Variants in DPY19L1 observed in about 807,000 individuals in gnomAD.
DPY19L1 encodes dpy-19 like C-mannosyltransferase 1.
A neutral mutation model predicts 96.9 loss-of-function variants in DPY19L1; 35 were observed. That is an observed-to-expected ratio of 0.36 (90% CI 0.28 to 0.48). The LOEUF (loss-of-function observed/expected upper bound fraction) is 0.48, where lower values mean the gene tolerates loss of function less well. Ranked by LOEUF, DPY19L1 falls within the 20% of genes least tolerant of loss-of-function variation. The pLI is 0.99. For missense variants in DPY19L1, 521 were observed against 777.9 expected, an observed-to-expected ratio of 0.67 and a Z score of 3.93; for synonymous variants, 205 against 252.6, an observed-to-expected ratio of 0.81 and a Z score of 1.79.
At chr7:35,025,710 T>A (rs1001743142) in intron 1 of DPY19L1, among the ~76,000 whole-genome samples, 5 of 152,214 alleles carry the variant, frequency 3.3e-5, no homozygotes, top group African/African-American at 1.2e-4. Context: ...ATATACACAG[T>A]ACATCAGGCT....
intron 11 of DPY19L1, among the ~76,000 whole-genome samples, chr7:34,957,428 G>A (rs1420305053): frequency 6.6e-6 from 1 of 152,166 alleles, no homozygotes; most frequent in African/African-American, 2.4e-5. Flanking sequence ...CCTGCCATAT[G>A]TAGCAGAAAG....
intron 7 of DPY19L1, among the ~76,000 whole-genome samples, chr7:34,980,580 CAA>C (rs374039175): frequency 6.6e-6 from 1 of 152,138 alleles, no homozygotes; most frequent in Non-Finnish European, 1.5e-5. Flanking sequence ...ACAGAATTGA[CAA>C]AGAGTTCCCA....
intron 16 of DPY19L1, among the ~76,000 whole-genome samples, chr7:34,943,895 C>T (rs1784080275): frequency 6.6e-6 from 1 of 152,074 alleles, no homozygotes; most frequent in Non-Finnish European, 1.5e-5. Flanking sequence ...TTTCTTTCCC[C>T]CTTAGCCCTC....
In DPY19L1 at chr7:34,931,525, A is replaced by G. The variant is rs1783751775; in HGVS notation, c.*48T>C. On this transcript the variant is annotated 3_prime_UTR_variant, in exon 22 of 22. Coordinates refer to ENST00000638088, the MANE Select transcript of DPY19L1 (RefSeq NM_001366673.1). ...ACAACACATGACTTAGCAAAACATT[A>G]AAACCATTACAGATGTAGTTCTCCG... 5.5e-6 allele frequency: 8 copies of G among 1,464,356 alleles called. No homozygotes were observed. The highest frequency in any genetic ancestry group is 7.2e-6 in the Non-Finnish European group (8 of 1,107,152). The allele number at this position is 1,464,356 out of a possible 1,614,324, so 90.7% of individuals were successfully genotyped here. A position where few individuals can be genotyped will look rare whatever the true frequency, so the allele number is the denominator to read the frequency against.
In DPY19L1 at chr7:34,955,467, A is replaced by G. The variant is rs138462148; in HGVS notation, c.1180-100T>C. 6 of 1,453,296 alleles carry G rather than the reference A, an allele frequency of 4.1e-6. No individual in the cohort carries two copies. In the African/African-American group the frequency reaches 8.6e-5, roughly 21 times the overall value. The allele number at this position is 1,453,296 out of a possible 1,614,324, so 90.0% of individuals were successfully genotyped here. ...TAAATAATAAGATTCTCAAGTATCTAAAATTTAGCACATGGTTGACTTTCC... is the reference window on the plus strand; with the variant it reads ...TAAATAATAAGATTCTCAAGTATCTGAAATTTAGCACATGGTTGACTTTCC... On this transcript the variant is annotated intron_variant, in intron 11 of 21. Coordinates refer to ENST00000638088, the MANE Select transcript of DPY19L1 (RefSeq NM_001366673.1).
chr7:34,941,722 G>C (rs1784020018), intron 18 of DPY19L1, 43 bp downstream of exon 18: 1 of 1,589,462 alleles, frequency 6.3e-7, no homozygotes, highest in Non-Finnish European at 8.5e-7. Flanking sequence ...AATAATAAAG[G>C]CTAAAATTAT....
chr7:35,013,712 T>G lies in DPY19L1; in HGVS notation c.412-7A>C. 2 of 1,583,228 alleles carry G rather than the reference T, an allele frequency of 1.3e-6. No homozygotes were observed. The highest frequency in any genetic ancestry group is 1.7e-6 in the Non-Finnish European group (2 of 1,162,146). On this transcript the variant is annotated splice_region_variant and splice_polypyrimidine_tract_variant and intron_variant, in intron 3 of 21. Transcript: ENST00000638088. ...AATAGGAATAATATAGTCCCTGAAA[T>G]AAAGATATGCTCAATTAAAATAACA...
chr7:35,033,775 T>C (rs1366333727), intron 1 of DPY19L1, among the ~76,000 whole-genome samples: 2 of 152,108 alleles, frequency 1.3e-5, no homozygotes, highest in Non-Finnish European at 2.9e-5. Flanking sequence ...TCCTACCATA[T>C]GGGCTTCAAG....
chr7:34,959,296 G>A (rs1329217640), intron 10 of DPY19L1, among the ~76,000 whole-genome samples: 1 of 152,182 alleles, frequency 6.6e-6, no homozygotes. Flanking sequence ...TATTGTGGAA[G>A]ATAGTGTGAC....
At chr7:34,978,022 C>G (rs1210572134) in intron 7 of DPY19L1, among the ~76,000 whole-genome samples, 5 of 152,002 alleles carry the variant, frequency 3.3e-5, no homozygotes, top group African/African-American at 1.2e-4. Context: ...AATTTTTAAT[C>G]ATTCACTGAA....
chr7:34,985,217 G>T (rs921437953), intron 7 of DPY19L1, among the ~76,000 whole-genome samples: 1 of 152,130 alleles, frequency 6.6e-6, no homozygotes, highest in African/African-American at 2.4e-5. Context: ...TGGGGAATCA[G>T]GAAACTTGTA....
At chr7:35,017,035 T>C (rs1785866827) in intron 3 of DPY19L1, among the ~76,000 whole-genome samples, 1 of 151,786 alleles carries the variant, frequency 6.6e-6, no homozygotes, top group African/African-American at 2.4e-5. Context: ...AAACAGGGCA[T>C]TTAAATACTG....
intron 1 of DPY19L1, among the ~76,000 whole-genome samples, chr7:35,034,982 T>G (rs1012542158): frequency 1.3e-5 from 2 of 152,340 alleles, no homozygotes; most frequent in Non-Finnish European, 2.9e-5. Flanking sequence ...GTCTAAACTC[T>G]GCTCCTCTCT....
chr7:34,942,240 C>G (rs945583163), intron 17 of DPY19L1, among the ~76,000 whole-genome samples: 8 of 152,118 alleles, frequency 5.3e-5, no homozygotes, highest in Non-Finnish European at 1.2e-4. Context: ...GAACTGCCCT[C>G]AAAACCAGAC....
chr7:35,021,814 CCTT>C (rs1313518645), intron 1 of DPY19L1, among the ~76,000 whole-genome samples: 2 of 152,104 alleles, frequency 1.3e-5, no homozygotes, highest in African/African-American at 4.8e-5. Context: ...ACTCTCCCCT[CCTT>C]CTTACTTTTT....
intron 7 of DPY19L1, among the ~76,000 whole-genome samples, chr7:34,987,798 A>G (rs1233430524): frequency 6.6e-6 from 1 of 152,076 alleles, no homozygotes; most frequent in African/African-American, 2.4e-5. Flanking sequence ...CTCATTACCT[A>G]AAACGAAAAT....
intron 6 of DPY19L1, among the ~76,000 whole-genome samples, chr7:34,991,212 C>T (rs1785161038): frequency 6.6e-6 from 1 of 152,214 alleles, no homozygotes; most frequent in South Asian, 2.1e-4. Context: ...AAATACCACT[C>T]ACATTTCAGG....
At position 35,010,512 on chromosome 7, in the gene DPY19L1, A is replaced by G. The variant is rs1329792003; in HGVS notation, c.720T>C (p.Asn240=). The G allele has an allele frequency of 6.2e-7, 1 of 1,608,664 alleles. No homozygotes were observed. Among genetic ancestry groups the G allele is most frequent in the Non-Finnish European group, 8.5e-7 (1 of 1,176,592 alleles). The change falls in exon 6 of 22, where the codon AAT becomes AAC. Residue 240 remains asparagine (N), a synonymous_variant. Coordinates refer to ENST00000638088, the MANE Select transcript of DPY19L1 (RefSeq NM_001366673.1). The part of the protein sequence containing the change: ...CFYVAVIFIL[N]GLMMALFFIY... ...TGAAGAATAATGCCATCATTAGTCCATTTAAAATAAAAATTACAGCAACAT... is the reference window on the plus strand; with the variant it reads ...TGAAGAATAATGCCATCATTAGTCCGTTTAAAATAAAAATTACAGCAACAT...
chr7:35,005,134 T>C (rs1284359771), intron 6 of DPY19L1, among the ~76,000 whole-genome samples: 5 of 152,132 alleles, frequency 3.3e-5, no homozygotes, highest in Non-Finnish European at 7.3e-5. Context: ...ATTTCTCTTA[T>C]TTTAGGCAAA....
Sources: allele counts gnomAD v4.1 joint callset (sites outside exome capture counted in the v4.1 genomes callset), GRCh38; gene constraint gnomAD v4.1.1; transcripts MANE v1.5; gene names NCBI Gene and HGNC (gene_info 2026-07-23, HGNC 2026-07-21).